PAXIP1: variants seen among roughly 807,000 people sequenced by gnomAD.
The protein encoded by PAXIP1 is PAX-interacting protein 1.
PAXIP1 carries 19 observed loss-of-function variants against 140.6 expected under a neutral mutation model. That is an observed-to-expected ratio of 0.14 (90% CI 0.09 to 0.20). The LOEUF (loss-of-function observed/expected upper bound fraction) is 0.20. Among genes scored for constraint, PAXIP1 ranks in the 10% least tolerant of loss-of-function variants. The probability of loss-of-function intolerance (pLI) is 1.00; values close to 1 mark genes in which losing one functional copy is unlikely to be tolerated. For missense variants in PAXIP1, 920 were observed against 1,208.6 expected (o/e 0.76, Z 3.54); for synonymous variants, 442 against 444.6 (o/e 0.99, Z 0.07).
chr7:154,980,549 G>C (rs1211363484), intron 5 of PAXIP1, among the ~76,000 whole-genome samples: 2 of 151,970 alleles, frequency 1.3e-5, no homozygotes, highest in East Asian at 3.9e-4. Context: ...CAAGTAGCTA[G>C]GACCACAGGC....
Position 154,946,881 on chromosome 7 carries a change from C to T in PAXIP1, c.2923-68G>A. 1 of 1,233,324 alleles carries T rather than the reference C, an allele frequency of 8.1e-7. No individual in the cohort carries two copies. Among genetic ancestry groups the T allele is most frequent in the Non-Finnish European group, 1.1e-6 (1 of 882,178 alleles). 76.4% of individuals were successfully genotyped at this position (1,233,324 alleles called of 1,614,324 possible). A position where few individuals can be genotyped will look rare whatever the true frequency, so the allele number is the denominator to read the frequency against. On this transcript the variant is annotated intron_variant, in intron 17 of 20. Transcript: ENST00000404141. This position sits in a 1 kb window ranked among gnomAD's most constrained non-coding sequence, Gnocchi z 4.9. ...TTTAATTTTTAGAGTACATAATTCT[C>T]ATAGATTCTGCCCTGAGATTTTTGA...
Position 154,991,498 on chromosome 7 carries a change from T to C in PAXIP1, c.261-429A>G, listed in dbSNP as rs547902982. ...CGTTGTGACTGCTTCCACTGCACAG[T>C]AGGAAGAATCCTTCATAAGAGCTTG... On this transcript the variant is annotated intron_variant, in intron 3 of 20. Coordinates refer to ENST00000404141, the MANE Select transcript of PAXIP1 (RefSeq NM_007349.4). 1.3e-4 allele frequency among the ~76,000 whole-genome samples: 20 copies of C among 152,236 alleles called. 1 individual carries two copies. Among genetic ancestry groups the C allele is most frequent in the Non-Finnish European group, 2.6e-4 (18 of 68,040 alleles).
At chr7:154,968,032 T>C (rs1809100293) in intron 7 of PAXIP1, 122 bp from the exon 8 acceptor site, 2 of 636,904 alleles carry the variant, frequency 3.1e-6, no homozygotes, top group African/African-American at 1.8e-5. Context: ...CCATGACGTA[T>C]CTGCCAGTAA....
Position 154,946,097 on chromosome 7 carries a change from T to G in PAXIP1, c.3194+268A>C. 1 of 975,064 alleles carries G rather than the reference T, an allele frequency of 1.0e-6. No individual in the cohort carries two copies. The highest frequency in any genetic ancestry group is 1.2e-6 in the Non-Finnish European group (1 of 820,462). The allele number at this position is 975,064 out of a possible 1,614,324, so 60.4% of individuals were successfully genotyped here. On this transcript the variant is annotated intron_variant, in intron 20 of 20. Transcript: ENST00000404141. The surrounding 1 kb of genome is among the most constrained non-coding windows in gnomAD (Gnocchi z 4.9). ...TTTTCTATTTTATCTAATTGTCAAA[T>G]TCTTTAATACCTCCATAAACTAGAC...
At chr7:154,948,958 A>G (rs1808136566) in intron 16 of PAXIP1, 1 of 152,148 alleles carries the variant, frequency 6.6e-6, no homozygotes, top group South Asian at 2.1e-4. Context: ...ACAATTATTA[A>G]TAATTGACAG....
chr7:154,962,413 T>C lies in PAXIP1; in HGVS notation c.2035A>G (p.Thr679Ala). The change falls in exon 10 of 21, where the codon ACA becomes GCA. Residue 679 changes from threonine (T) to alanine (A), a missense_variant. Thr to Ala is a moderately conservative substitution (Grantham distance 58). Around this residue, in one of 5 missense-constraint regions of PAXIP1, gnomAD observed 303 missense variants for 517.9 expected, o/e 0.59. Coordinates refer to ENST00000404141, the MANE Select transcript of PAXIP1 (RefSeq NM_007349.4). The stretch of plus-strand genomic sequence containing the variant: ...ACCATTTTCTTCTTCTTTAAGACTG[T>C]GTTTAACCAGTGTGCAGTAACACAT... ...KRCVTAHWLN[T>A]VLKKKKMVPP... The C allele has an allele frequency of 1.2e-6, 2 of 1,613,654 alleles. No individual in the cohort carries two copies. The highest frequency in any genetic ancestry group is 1.1e-5 in the South Asian group (1 of 91,070).
chr7:155,002,882 G>C lies in PAXIP1; in HGVS notation c.48C>G (p.Val16=), dbSNP rs764336280. 7.8e-6 allele frequency: 11 copies of C among 1,417,026 alleles called. No homozygotes were observed. Among genetic ancestry groups the C allele is most frequent in the Non-Finnish European group, 9.4e-6 (10 of 1,065,144 alleles). The allele number at this position is 1,417,026 out of a possible 1,614,324, so 87.8% of individuals were successfully genotyped here. Residue 16 remains valine, a synonymous_variant, in exon 1 of 21, where the codon GTC becomes GTG. Transcript: ENST00000404141. Reference sequence around the variant, plus strand: ...CGATGTCGCCCACCGCGTAATACTTGACCTCCCTGAACATCTCCTCAGGAA... The same window carrying C: ...CGATGTCGCCCACCGCGTAATACTTCACCTCCCTGAACATCTCCTCAGGAA... ...PKVPEEMFRE[V]KYYAVGDIDP...
At chr7:154,952,201 G>A (rs1470987919) in intron 16 of PAXIP1, 3 of 152,054 alleles carry the variant, frequency 2.0e-5, no homozygotes, top group Admixed American at 6.6e-5. Flanking sequence ...TAGTACATGC[G>A]AGCCGCATTA....
At chr7:154,960,357 C>G (rs1009098823) in intron 12 of PAXIP1, among the ~76,000 whole-genome samples, 3 of 152,172 alleles carry the variant, frequency 2.0e-5, no homozygotes, top group African/African-American at 4.8e-5. Context: ...AACAGCAAGT[C>G]AGTCAAAGCT....
In PAXIP1 at chr7:154,956,559, C is replaced by T. The variant is rs1808520409; in HGVS notation, c.2549+665G>A. On this transcript the variant is annotated intron_variant, in intron 14 of 20. Transcript: ENST00000404141. The surrounding 1 kb of genome is among the most constrained non-coding windows in gnomAD (Gnocchi z 4.2). ...CTTTCTAATTAAATGATTGGAAGGACTTCATTATTGACTCCTGCTGGCCGA... is the reference window on the plus strand; with the variant it reads ...CTTTCTAATTAAATGATTGGAAGGATTTCATTATTGACTCCTGCTGGCCGA... 6.6e-6 allele frequency: 1 copy of T among 152,240 alleles called. No homozygotes were observed. Among genetic ancestry groups the T allele is most frequent in the African/African-American group, 2.4e-5 (1 of 41,448 alleles). The allele number at this position is 152,240 out of a possible 1,614,324, so 9.4% of individuals were successfully genotyped here.
intron 8 of PAXIP1, among the ~76,000 whole-genome samples, chr7:154,966,115 G>A (rs1285305157): frequency 6.6e-6 from 1 of 152,150 alleles, no homozygotes; most frequent in Admixed American, 6.5e-5. Flanking sequence ...AGAATATAAG[G>A]GAGGTACATT....
rs1811006169 is a variant in PAXIP1 at position 155,003,004 on chromosome 7, C to T, written c.-75G>A. The T allele has an allele frequency of 8.3e-6, 5 of 598,868 alleles. No homozygotes were observed. Among genetic ancestry groups the T allele is most frequent in the Admixed American group, 1.3e-4 (2 of 15,068 alleles). The allele number at this position is 598,868 out of a possible 1,614,324, so 37.1% of individuals were successfully genotyped here. A position where few individuals can be genotyped will look rare whatever the true frequency, so the allele number is the denominator to read the frequency against. On this transcript the variant is annotated 5_prime_UTR_variant, in exon 1 of 21. Coordinates refer to ENST00000404141, the MANE Select transcript of PAXIP1 (RefSeq NM_007349.4). The stretch of plus-strand genomic sequence containing the variant: ...CCCCGCCCCCGGCCCCCGCGGCGCC[C>T]GGCGCCCCCACTCGCCCCGCCAACG...
Position 154,976,319 on chromosome 7 carries a change from A to G in PAXIP1, c.451T>C (p.Cys151Arg). Residue 151 changes from cysteine to arginine, a missense_variant, in exon 6 of 21, where the codon TGT becomes CGT. Cys to Arg is a radical substitution (Grantham distance 180). Transcript: ENST00000404141. ...VPEPKGEKYE[C>R]ALKRASIKIV... Reference sequence around the variant, plus strand: ...TTAATACTTGCTCGCTTTAAAGCACATTCGTATTTCTCCTACGAGGAAAGC... The same window carrying G: ...TTAATACTTGCTCGCTTTAAAGCACGTTCGTATTTCTCCTACGAGGAAAGC... 1 of 1,581,810 alleles carries G rather than the reference A, an allele frequency of 6.3e-7. No homozygotes were observed. The highest frequency in any genetic ancestry group is 8.6e-7 in the Non-Finnish European group (1 of 1,164,142).
chr7:154,986,093 A>G lies in PAXIP1; in HGVS notation c.325-2761T>C. The G allele has an allele frequency of 7.3e-7, 1 of 1,364,196 alleles. No individual in the cohort carries two copies. Among genetic ancestry groups the G allele is most frequent in the Non-Finnish European group, 9.8e-7 (1 of 1,021,036 alleles). 84.5% of individuals were successfully genotyped at this position (1,364,196 alleles called of 1,614,324 possible). On this transcript the variant is annotated intron_variant, in intron 4 of 20. Coordinates refer to ENST00000404141, the MANE Select transcript of PAXIP1 (RefSeq NM_007349.4). This position sits in a 1 kb window ranked among gnomAD's most constrained non-coding sequence, Gnocchi z 4.8. ...AGGCAGATGATCTCTGTGCTTCCCAACTTCTGCTGGACAAGCTCCCTTCCC... is the reference window on the plus strand; with the variant it reads ...AGGCAGATGATCTCTGTGCTTCCCAGCTTCTGCTGGACAAGCTCCCTTCCC...
chr7:154,969,202 A>C (rs1809181449), intron 6 of PAXIP1, 76 bp from the exon 7 acceptor site: 1 of 1,394,408 alleles, frequency 7.2e-7, no homozygotes. Flanking sequence ...AGTCAAGAGA[A>C]TGGCATATCC....
chr7:154,952,637 C>T (rs1808322885), intron 16 of PAXIP1, among the ~76,000 whole-genome samples: 1 of 152,142 alleles, frequency 6.6e-6, no homozygotes, highest in Non-Finnish European at 1.5e-5. Flanking sequence ...TACCTTTAAA[C>T]AGAAACACAC....
At chr7:155,000,764 GAT>G (rs1032651737) in intron 1 of PAXIP1, 5 of 152,176 alleles carry the variant, frequency 3.3e-5, no homozygotes, top group African/African-American at 1.2e-4. Flanking sequence ...CTCTGTTCCA[GAT>G]ATAGTGATCA....
chr7:154,976,887 GTC>G (rs1809607297), intron 5 of PAXIP1, among the ~76,000 whole-genome samples: 1 of 152,212 alleles, frequency 6.6e-6, no homozygotes, highest in Non-Finnish European at 1.5e-5. Context: ...GATGCAACAA[GTC>G]TCTGACCTAA....
chr7:154,966,989 C>A (rs1809054131), intron 8 of PAXIP1, among the ~76,000 whole-genome samples: 1 of 152,204 alleles, frequency 6.6e-6, no homozygotes, highest in Admixed American at 6.5e-5. Context: ...CTCACTCCTA[C>A]TCATCCTATA....
Sources: gnomAD v4.1 joint callset for allele counts (sites outside exome capture counted in the v4.1 genomes callset) on GRCh38, gnomAD v4.1.1 for gene constraint, gnomAD v4.1.1 regional missense constraint, Gnocchi (gnomAD v3.1) non-coding constraint, MANE v1.5 for transcripts, NCBI Gene and HGNC (gene_info 2026-07-23, HGNC 2026-07-21) for gene names.